SLC12A7: variants seen among roughly 807,000 people sequenced by gnomAD.
The protein encoded by SLC12A7 is solute carrier family 12 member 7.
In SLC12A7, 100 loss-of-function variants were observed where a neutral mutation model predicts 120.6. The ratio of observed to expected loss-of-function variants is 0.83; its 90% CI spans 0.71 to 0.98. The LOEUF is 0.98. Among genes scored for constraint, SLC12A7 ranks in the 50% least tolerant of loss-of-function variants. The pLI, the probability that SLC12A7 is intolerant of heterozygous loss-of-function variation, is 0.00. For synonymous variants in SLC12A7, 760 were observed against 678.0 expected (o/e 1.12, Z -1.88); for missense variants, 1,373 against 1,548.1 (o/e 0.89, Z 1.90).
At chr5:1,121,526 G>A in the SLC12A7 span, among the ~76,000 whole-genome samples, 15 of 152,364 alleles carry the variant, frequency 9.8e-5, no homozygotes, top group African/African-American at 3.4e-4. Flanking sequence ...TCAAGTAATC[G>A]TGGAAAGAGA....
intron 17 of SLC12A7, 68 bp from the exon 18 acceptor site, chr5:1,065,546 C>T (rs45509892): frequency 1.7e-5 from 23 of 1,376,330 alleles, no homozygotes; most frequent in East Asian, 7.4e-5. Flanking sequence ...CCACCACCCA[C>T]GGTGGCCAGG....
At chr5:1,076,402 C>T (rs549833820) in intron 13 of SLC12A7, among the ~76,000 whole-genome samples, 166 bp from the exon 14 acceptor site, 219 of 151,768 alleles carry the variant, frequency 1.4e-3, no homozygotes, top group African/African-American at 5.1e-3. Flanking sequence ...AATCAGGCCC[C>T]CTCAGGTTCC....
chr5:1,074,456 G>C (rs1055156362), intron 16 of SLC12A7, 111 bp downstream of exon 16: 5 of 987,488 alleles, frequency 5.1e-6, no homozygotes, highest in Non-Finnish European at 6.1e-6. Flanking sequence ...GACCTTGCCT[G>C]AGCGGCTGAA....
chr5:1,074,838 C>A, intron 15 of SLC12A7, 167 bp from the exon 16 acceptor site: 1 of 649,812 alleles, frequency 1.5e-6, no homozygotes, highest in Non-Finnish European at 2.7e-6. Flanking sequence ...CTGAAGGGAG[C>A]CCGTCCTAGG....
At chr5:1,086,337 G>C (rs1452699400) in intron 6 of SLC12A7, among the ~76,000 whole-genome samples, 1 of 152,214 alleles carries the variant, frequency 6.6e-6, no homozygotes, top group Non-Finnish European at 1.5e-5. Context: ...AACCTCAGCA[G>C]GAAGGACAGC....
At chr5:1,065,987 G>C (rs1246185888) in intron 17 of SLC12A7, among the ~76,000 whole-genome samples, 1 of 152,166 alleles carries the variant, frequency 6.6e-6, no homozygotes. Flanking sequence ...TCACTGCTGT[G>C]TGCAGTCTCT....
chr5:1,130,678 GTGCC>G, the SLC12A7 span, among the ~76,000 whole-genome samples: 1 of 146,798 alleles, frequency 6.8e-6, no homozygotes, highest in Non-Finnish European at 1.5e-5. Flanking sequence ...AGGTGCACCT[GTGCC>G]TGCCCAGAGG....
In SLC12A7 at chr5:1,054,514, G is replaced by GAGGGCAGCCCT. The variant is rs530363587; in HGVS notation, c.3027-1033_3027-1032insAGGGCTGCCCT. On this transcript the variant is annotated intron_variant, in intron 22 of 23. Coordinates refer to ENST00000264930, the MANE Select transcript of SLC12A7 (RefSeq NM_006598.3). ...AGGCCACCTGGGGAAACGCTGGGCG[G>GAGGGCAGCCCT]AGGGGAGCACTTGCGTTTCTGTGTT... 1.2e-3 allele frequency among the ~76,000 whole-genome samples: 178 copies of GAGGGCAGCCCT among 152,316 alleles called. 1 individual carries two copies. Among genetic ancestry groups the GAGGGCAGCCCT allele is most frequent in the Admixed American group, 6.7e-3 (102 of 15,290 alleles).
the SLC12A7 span, among the ~76,000 whole-genome samples, chr5:1,138,497 G>A: frequency 6.6e-6 from 1 of 152,156 alleles, no homozygotes; most frequent in African/African-American, 2.4e-5. Context: ...CTACCCAGAG[G>A]CCCAGCGGGC....
the SLC12A7 span, among the ~76,000 whole-genome samples, chr5:1,122,259 C>T: frequency 7.2e-5 from 11 of 152,068 alleles, no homozygotes; most frequent in Non-Finnish European, 1.0e-4. Context: ...CCAGAACCCC[C>T]GGCAGGGCTG....
intron 4 of SLC12A7, among the ~76,000 whole-genome samples, 161 bp downstream of exon 4, chr5:1,088,821 G>A (rs1482211306): frequency 1.3e-5 from 2 of 151,980 alleles, no homozygotes; most frequent in Non-Finnish European, 2.9e-5. Context: ...AGACGGCGCT[G>A]AACGACGTCT....
rs939212343 is a variant in SLC12A7 at position 1,083,934 on chromosome 5, T to A, written c.940A>T (p.Thr314Ser). The A allele has an allele frequency of 3.7e-6, 6 of 1,603,992 alleles. No individual in the cohort carries two copies. In the African/African-American group the frequency reaches 5.3e-5, roughly 14 times the overall value. The stretch of plus-strand genomic sequence containing the variant: ...GCATCGAAGCTGCGCCGTGACAGCG[T>A]GCGGTTCCCCAGGAGGCAGACCCTG... Reference protein sequence around the residue: ...DIPVCLLGNRTLSRRSFDACV... With the variant: ...DIPVCLLGNRSLSRRSFDACV... The change falls in exon 8 of 24, where the codon ACG (threonine) becomes TCG (serine). Residue 314 changes from threonine to serine, a missense_variant. Physicochemically the swap from Thr to Ser is moderately conservative, Grantham distance 58. Coordinates refer to ENST00000264930, the MANE Select transcript of SLC12A7 (RefSeq NM_006598.3).
chr5:1,146,517 C>G, the SLC12A7 span, among the ~76,000 whole-genome samples: 1 of 152,214 alleles, frequency 6.6e-6, no homozygotes, highest in African/African-American at 2.4e-5. This position sits in a 1 kb window ranked among gnomAD's most constrained non-coding sequence, Gnocchi z 6.5. Context: ...ATGGACCCCT[C>G]CTCTGGGCCA....
the SLC12A7 span, among the ~76,000 whole-genome samples, chr5:1,130,514 G>A: frequency 2.0e-5 from 3 of 150,362 alleles, no homozygotes; most frequent in East Asian, 2.0e-4. Flanking sequence ...GGCTGCACAC[G>A]CGTGTCCCCT....
chr5:1,091,401 A>G (rs1245994394), intron 3 of SLC12A7, among the ~76,000 whole-genome samples: 1 of 152,176 alleles, frequency 6.6e-6, no homozygotes, highest in Non-Finnish European at 1.5e-5. Flanking sequence ...GTGGTGCCTG[A>G]GCCCAGCCGA....
chr5:1,155,534 G>A, the SLC12A7 span, among the ~76,000 whole-genome samples: 2 of 151,850 alleles, frequency 1.3e-5, no homozygotes, highest in African/African-American at 4.8e-5. Flanking sequence ...CGGGCGGCAG[G>A]GGCGGGGCTC....
Position 1,057,479 on chromosome 5 carries a change from G to A in SLC12A7, c.3018C>T (p.Ser1006=). ...CACGCACGGACACTCACGGCTTCAT[G>A]CTGAAGAGGTCTTTGAAACCAGATA... is the stretch of plus-strand genomic sequence containing the variant. The part of the protein sequence containing the change: ...TSLSGFKDLF[S]MKPDQSNVRR... The change falls in exon 22 of 24, where the codon AGC becomes AGT. Residue 1006 remains serine, a synonymous_variant. Coordinates refer to ENST00000264930, the MANE Select transcript of SLC12A7 (RefSeq NM_006598.3). 2 of 1,611,234 alleles carry A rather than the reference G, an allele frequency of 1.2e-6. No homozygotes were observed. The highest frequency in any genetic ancestry group is 1.7e-6 in the Non-Finnish European group (2 of 1,179,418).
chr5:1,134,763 G>A, the SLC12A7 span, among the ~76,000 whole-genome samples: 2 of 152,160 alleles, frequency 1.3e-5, no homozygotes, highest in South Asian at 4.2e-4. Context: ...GGCAGAATCA[G>A]CCCGAGAGGT....
chr5:1,053,593 G>T, intron 22 of SLC12A7, 111 bp from the exon 23 acceptor site: 1 of 1,382,904 alleles, frequency 7.2e-7, no homozygotes, highest in Non-Finnish European at 9.8e-7. Flanking sequence ...AAAGGGCTGT[G>T]TGAGTCAGGA....
Sources: gnomAD v4.1 joint callset for allele counts (sites outside exome capture counted in the v4.1 genomes callset) on GRCh38, gnomAD v4.1.1 for gene constraint, Gnocchi (gnomAD v3.1) non-coding constraint, MANE v1.5 for transcripts, NCBI Gene and HGNC (gene_info 2026-07-23, HGNC 2026-07-21) for gene names.